Variants in CPSF1 observed in about 807,000 individuals in gnomAD.
The protein encoded by CPSF1 is cleavage and polyadenylation specificity factor subunit 1.
CPSF1 carries 106 observed loss-of-function variants against 175.8 expected under a neutral mutation model. That is an observed-to-expected ratio of 0.60 (90% CI 0.52 to 0.71). CPSF1 has a LOEUF of 0.71. CPSF1 is among the 30% of genes least tolerant of loss of function. CPSF1 has a pLI of 0.00. For synonymous variants in CPSF1, 1,024 were observed against 858.3 expected, an observed-to-expected ratio of 1.19 and a Z score of -3.37; for missense variants, 1,734 against 2,022.9, an observed-to-expected ratio of 0.86 and a Z score of 2.74.
Position 144,396,725 on chromosome 8 carries a change from T to A in CPSF1, c.2699A>T (p.Asn900Ile), listed in dbSNP as rs145338922. The change falls in exon 25 of 38, where the codon AAC (asparagine) becomes ATC (isoleucine). Residue 900 changes from asparagine (N) to isoleucine (I), a missense_variant. Asn to Ile is a moderately radical substitution (Grantham distance 149). This residue lies in a region of CPSF1 where 585 missense variants were observed against 584.7 expected (regional missense o/e 1.00). Coordinates refer to ENST00000616140, the MANE Select transcript of CPSF1 (RefSeq NM_013291.3). Reference sequence around the variant, plus strand: ...TGGCTTTGGCTTCTTCTCACGGAAGTTGATGTTGTGAGGGACCTGGGGGGG... The same window carrying A: ...TGGCTTTGGCTTCTTCTCACGGAAGATGATGTTGTGAGGGACCTGGGGGGG... Reference protein sequence around the residue: ...VRFKKVPHNINFREKKPKPSK... With the variant: ...VRFKKVPHNIIFREKKPKPSK... 1 of 1,613,824 alleles carries A rather than the reference T, an allele frequency of 6.2e-7. No individual in the cohort carries two copies. The highest frequency in any genetic ancestry group is 1.7e-5 in the Admixed American group (1 of 60,006).
At chr8:144,400,566 G>A in intron 7 of CPSF1, 73 bp from the exon 8 acceptor site, 2 of 1,607,360 alleles carry the variant, frequency 1.2e-6, no homozygotes, top group Non-Finnish European at 1.7e-6. Context: ...TCCCGAGCAA[G>A]CCCCACCACA....
At chr8:144,395,654 G>A in intron 26 of CPSF1, 103 bp from the exon 27 acceptor site, 3 of 962,870 alleles carry the variant, frequency 3.1e-6, no homozygotes, top group East Asian at 2.6e-5. Context: ...TCAGCTCTGT[G>A]GGAGCAGGGG....
At chr8:144,395,971 G>A in intron 26 of CPSF1, 1 of 390,788 alleles carries the variant, frequency 2.6e-6, no homozygotes, top group Non-Finnish European at 4.7e-6. Flanking sequence ...GTGGTGTGGT[G>A]GCTTAAATAG....
chr8:144,400,135 G>GGGCGCCCCCCCCCCCCCC, intron 9 of CPSF1, 31 bp downstream of exon 9: 3 of 896,008 alleles, frequency 3.3e-6, no homozygotes, highest in Non-Finnish European at 4.8e-6. Context: ...CCGTCCCCGG[G>GGGCGCCCCCCCCCCCCCC]CCCCCCCCGC....
Position 144,409,026 on chromosome 8 carries a change from G to C in CPSF1, c.133C>G (p.Arg45Gly). The C allele has an allele frequency of 6.2e-7, 1 of 1,613,206 alleles. No individual in the cohort carries two copies. Among genetic ancestry groups the C allele is most frequent in the African/African-American group, 1.3e-5 (1 of 75,044 alleles). ...AGGGCCCGACCTACCTCGGCGTCGC[G>C]GTTGAGGCGGTACACGTAGAGCTGC... ...TSQLYVYRLN[R>G]DAEALTKNDR... Residue 45 changes from arginine (R) to glycine (G), a missense_variant, in exon 2 of 38, where the codon CGC becomes GGC. Around this residue, in one of 10 missense-constraint regions of CPSF1, gnomAD observed 126 missense variants for 117.9 expected, o/e 1.07. Coordinates refer to ENST00000616140, the MANE Select transcript of CPSF1 (RefSeq NM_013291.3).
rs781996889 is a variant in CPSF1 at position 144,393,968 on chromosome 8, C to T, written c.3930G>A (p.Thr1310=). ...ADFHVGAHVN[T]FWRTPCRGAT... is the part of the protein sequence containing the mutation. ...CCCCCCGGCACGGGGTCCTCCAGAA[C>T]GTGTTCACGTGGGCACCCACGTGGA... is the stretch of plus-strand genomic sequence containing the variant. Residue 1310 remains threonine, a synonymous_variant, in exon 35 of 38, where the codon ACG becomes ACA. Transcript: ENST00000616140. 3.7e-6 allele frequency: 6 copies of T among 1,613,668 alleles called. No homozygotes were observed. Among genetic ancestry groups the T allele is most frequent in the Admixed American group, 3.3e-5 (2 of 60,006 alleles).
At chr8:144,408,935 T>G in intron 2 of CPSF1, 80 bp downstream of exon 2, 2 of 1,533,600 alleles carry the variant, frequency 1.3e-6, no homozygotes, top group Non-Finnish European at 1.8e-6. Flanking sequence ...GTCTGGGGCT[T>G]GGCTCTTCCA....
rs1554862827 is a variant in CPSF1, at chr8:144,394,541, G to T, written c.3582C>A (p.Ser1194Arg). The T allele has an allele frequency of 1.2e-6, 2 of 1,609,100 alleles. No homozygotes were observed. Among genetic ancestry groups the T allele is most frequent in the Admixed American group, 1.7e-5 (1 of 59,416 alleles). Residue 1194 changes from serine to arginine, a missense_variant, in exon 32 of 38, where the codon AGC becomes AGA. Transcript: ENST00000616140. ...TGCCCGTCAGCTCGCTGGCCCGCAG[G>T]CTCCACAGGAAAATCTGGGGGCGAG... ...SAIGQKIFLW[S>R]LRASELTGMA...
intron 2 of CPSF1, among the ~76,000 whole-genome samples, chr8:144,407,713 A>C (rs117328198): frequency 0.048 from 7,292 of 152,218 alleles, 260 homozygotes; most frequent in Non-Finnish European, 0.073. Flanking sequence ...GGAAAAACAA[A>C]AAAAAAAATT....
Position 144,399,679 on chromosome 8 carries a change from AG to A in CPSF1, c.1150del (p.Leu384TrpfsTer87), listed in dbSNP as rs1554865677. 6.2e-7 allele frequency: 1 copy of A among 1,610,610 alleles called. No individual in the cohort carries two copies. On this transcript the variant is annotated frameshift_variant, in exon 12 of 38. Transcript: ENST00000616140. LOFTEE classifies it high-confidence loss of function. The surrounding 1 kb of genome is among the most constrained non-coding windows in gnomAD (Gnocchi z 6.4). The part of the protein sequence containing the change: ...MVTMEPGYLF[L>X]GSRLGNSLLL... ...GAGGGAATTGCCCAGGCGAGAACCC[AG>A]GAACAGGTACCCGGGCTCCATGGTG...
In CPSF1 at chr8:144,393,268, A is replaced by G; in HGVS notation, c.*50T>C. 6.9e-7 allele frequency: 1 copy of G among 1,455,134 alleles called. No homozygotes were observed. The highest frequency in any genetic ancestry group is 1.4e-5 in the South Asian group (1 of 70,634). The allele number at this position is 1,455,134 out of a possible 1,614,324, so 90.1% of individuals were successfully genotyped here. On this transcript the variant is annotated 3_prime_UTR_variant, in exon 38 of 38. Coordinates refer to ENST00000616140, the MANE Select transcript of CPSF1 (RefSeq NM_013291.3). Reference sequence around the variant, plus strand: ...TGTTTTTCCTTGTGTTTTGTACAAAAAGGGGGTGGGAGGTAGTTCCGTGTG... The same window carrying G: ...TGTTTTTCCTTGTGTTTTGTACAAAGAGGGGGTGGGAGGTAGTTCCGTGTG...
Position 144,397,723 on chromosome 8 carries a change from C to G in CPSF1, c.2210+20G>C. On this transcript the variant is annotated intron_variant, in intron 21 of 37. Coordinates refer to ENST00000616140, the MANE Select transcript of CPSF1 (RefSeq NM_013291.3). ...CCCCAGGGACCCAAGCCCCTACCTG[C>G]GCCCCCAGCCCCCACGCACCTAGTC... 6.3e-7 allele frequency: 1 copy of G among 1,585,260 alleles called. No homozygotes were observed. The highest frequency in any genetic ancestry group is 8.6e-7 in the Non-Finnish European group (1 of 1,160,002).
At chr8:144,409,267 G>A (rs1410614214) in intron 1 of CPSF1, 22 bp downstream of exon 1, 6 of 1,084,790 alleles carry the variant, frequency 5.5e-6, no homozygotes, top group Non-Finnish European at 6.9e-6. Flanking sequence ...CTGCCGCCTC[G>A]GCCGCCCGCC....
In CPSF1 at chr8:144,398,178, C is replaced by T. The variant is rs587606239; in HGVS notation, c.1895-46G>A. 6 of 929,910 alleles carry T rather than the reference C, an allele frequency of 6.5e-6. No individual in the cohort carries two copies. In the Admixed American group the frequency reaches 1.0e-4, roughly 15 times the overall value. The allele number at this position is 929,910 out of a possible 1,614,324, so 57.6% of individuals were successfully genotyped here. ...GCATGCGCCTCCCCACCACCGTCCC[C>T]ACCCACCTACCTCCTTCCAGCAGGC... On this transcript the variant is annotated intron_variant, in intron 19 of 37. Coordinates refer to ENST00000616140, the MANE Select transcript of CPSF1 (RefSeq NM_013291.3).
chr8:144,408,922 C>T lies in CPSF1; in HGVS notation c.144+93G>A. 10 of 1,476,188 alleles carry T rather than the reference C, an allele frequency of 6.8e-6. No homozygotes were observed. In the South Asian group the frequency reaches 1.2e-4, roughly 18 times the overall value. 91.4% of individuals were successfully genotyped at this position (1,476,188 alleles called of 1,614,324 possible). A position where few individuals can be genotyped will look rare whatever the true frequency, so the allele number is the denominator to read the frequency against. On this transcript the variant is annotated intron_variant, in intron 2 of 37. Coordinates refer to ENST00000616140, the MANE Select transcript of CPSF1 (RefSeq NM_013291.3). ...GAGGAACGTTAAGCAAATCACTCAA[C>T]TTGTCTGGGGCTTGGCTCTTCCATC...
At position 144,397,740 on chromosome 8, in the gene CPSF1, C is replaced by A. The variant is rs1313371407; in HGVS notation, c.2210+3G>T. On this transcript the variant is annotated splice_donor_region_variant and intron_variant, in intron 21 of 37. Coordinates refer to ENST00000616140, the MANE Select transcript of CPSF1 (RefSeq NM_013291.3). ...CCTACCTGCGCCCCCAGCCCCCACGCACCTAGTCTCTGAGCCCAGGCCCTC... is the reference window on the plus strand; with the variant it reads ...CCTACCTGCGCCCCCAGCCCCCACGAACCTAGTCTCTGAGCCCAGGCCCTC... The A allele has an allele frequency of 1.1e-5, 18 of 1,600,468 alleles. No individual in the cohort carries two copies. The highest frequency in any genetic ancestry group is 1.5e-5 in the Non-Finnish European group (18 of 1,170,604).
chr8:144,393,727 A>G lies in CPSF1; in HGVS notation c.4085T>C (p.Leu1362Pro). The G allele has an allele frequency of 3.2e-6, 5 of 1,573,732 alleles. No homozygotes were observed. Among genetic ancestry groups the G allele is most frequent in the Non-Finnish European group, 4.3e-6 (5 of 1,166,380 alleles). ...CAGCATGGTGGTCAGCGCGTTCTGC[A>G]GCATCAGCAGCCGCCGGTAGGTCTT... ...QEKTYRRLLM[L>P]QNALTTMLPH... Residue 1362 changes from leucine to proline, a missense_variant, in exon 36 of 38, where the codon CTG becomes CCG. Leu to Pro is a moderately conservative substitution (Grantham distance 98). This residue lies in a region of CPSF1 where 323 missense variants were observed against 338.5 expected (regional missense o/e 0.95). Transcript: ENST00000616140.
At position 144,399,639 on chromosome 8, in the gene CPSF1, C is replaced by G; in HGVS notation, c.1191G>C (p.Thr397=). 1 of 1,610,590 alleles carries G rather than the reference C, an allele frequency of 6.2e-7. No homozygotes were observed. The highest frequency in any genetic ancestry group is 8.5e-7 in the Non-Finnish European group (1 of 1,178,700). ...TGGCCGGGGGCTCCTGCAGCTTCTC[C>G]GTGTACTTGAGGAGGAGGGAATTGC... is the stretch of plus-strand genomic sequence containing the variant. ...RLGNSLLLKY[T]EKLQEPPASA... is the part of the protein sequence containing the mutation. Residue 397 remains threonine, a synonymous_variant, in exon 12 of 38, where the codon ACG becomes ACC. Coordinates refer to ENST00000616140, the MANE Select transcript of CPSF1 (RefSeq NM_013291.3). This position sits in a 1 kb window ranked among gnomAD's most constrained non-coding sequence, Gnocchi z 6.4.
chr8:144,395,153 C>T lies in CPSF1; in HGVS notation c.3217G>A (p.Ala1073Thr), dbSNP rs376195623. The change falls in exon 29 of 38, where the codon GCC becomes ACC. Residue 1073 changes from alanine to threonine, a missense_variant. This residue lies in a region of CPSF1 where 585 missense variants were observed against 584.7 expected (regional missense o/e 1.00). Coordinates refer to ENST00000616140, the MANE Select transcript of CPSF1 (RefSeq NM_013291.3). ...GGGGAGATGAGCTGGATGGAGAAGG[C>T]CTCCTGCTGGGGGTGGATGTACCGC... ...DERYIHPQQEAFSIQLISPVS... is the reference protein window; with the variant it reads ...DERYIHPQQETFSIQLISPVS... 6.2e-6 allele frequency: 10 copies of T among 1,612,474 alleles called. No individual in the cohort carries two copies. The African/African-American group carries it at 1.3e-4, about 22-fold the overall frequency.
Sources: gnomAD v4.1 joint callset for allele counts (sites outside exome capture counted in the v4.1 genomes callset) on GRCh38, gnomAD v4.1.1 for gene constraint, gnomAD v4.1.1 regional missense constraint, Gnocchi (gnomAD v3.1) non-coding constraint, MANE v1.5 for transcripts, NCBI Gene and HGNC (gene_info 2026-07-23, HGNC 2026-07-21) for gene names.